The following TRABD2B variants were observed in gnomAD, a reference collection of about 807,000 sequenced individuals.
TRABD2B encodes TraB domain containing 2B.
Under a neutral mutation model 40.1 loss-of-function variants are expected in TRABD2B, and 14 were observed. The ratio of observed to expected loss-of-function variants is 0.35; its 90% CI spans 0.23 to 0.55. The LOEUF is 0.55. Among genes scored for constraint, TRABD2B ranks in the 20% least tolerant of loss-of-function variants. The probability of loss-of-function intolerance (pLI) is 0.90; values close to 1 mark genes in which losing one functional copy is unlikely to be tolerated. For synonymous variants in TRABD2B, 263 were observed against 277.0 expected, an observed-to-expected ratio of 0.95 and a Z score of 0.50; for missense variants, 541 against 648.6, an observed-to-expected ratio of 0.83 and a Z score of 1.80.
intron 2 of TRABD2B, among the ~76,000 whole-genome samples, chr1:47,812,640 G>A (rs1484112891): frequency 6.6e-6 from 1 of 152,170 alleles, no homozygotes; most frequent in Non-Finnish European, 1.5e-5. Flanking sequence ...GATTGCCTGA[G>A]GCCAGGAGTT....
intron 2 of TRABD2B, among the ~76,000 whole-genome samples, chr1:47,974,036 C>T (rs551702882): frequency 1.3e-5 from 2 of 152,038 alleles, no homozygotes; most frequent in Admixed American, 6.5e-5. Context: ...CCTGGAAGGT[C>T]GAGGCTGCAG....
At chr1:47,825,736 C>T (rs898355270) in intron 2 of TRABD2B, among the ~76,000 whole-genome samples, 2 of 146,742 alleles carry the variant, frequency 1.4e-5, no homozygotes, top group Non-Finnish European at 3.0e-5. Flanking sequence ...AGGAAATCCT[C>T]AGGGTGGGCA....
At chr1:47,824,352 C>A (rs972551581) in intron 2 of TRABD2B, among the ~76,000 whole-genome samples, 1 of 152,168 alleles carries the variant, frequency 6.6e-6, no homozygotes, top group African/African-American at 2.4e-5. Flanking sequence ...CCAGCGCCCC[C>A]TCAACAGCCT....
chr1:47,994,240 T>C lies in TRABD2B; in HGVS notation c.460A>G (p.Ile154Val). The C allele has an allele frequency of 1.3e-6, 2 of 1,542,192 alleles. No individual in the cohort carries two copies. The highest frequency in any genetic ancestry group is 1.7e-6 in the Non-Finnish European group (2 of 1,149,610). The change falls in exon 2 of 7, where the codon ATC (isoleucine) becomes GTC (valine). Residue 154 changes from isoleucine (I) to valine (V), a missense_variant. Physicochemically the swap from Ile to Val is conservative, Grantham distance 29. Coordinates refer to ENST00000606738, the MANE Select transcript of TRABD2B (RefSeq NM_001194986.2). This position sits in a 1 kb window ranked among gnomAD's most constrained non-coding sequence, Gnocchi z 6.7. ...GLYADYLFNA[I>V]AGNWERKRPV... ...CTCTTGCGCTCCCAGTTGCCCGCGA[T>C]GGCATTGAATAGGTAGTCAGCATAG... is the stretch of plus-strand genomic sequence containing the variant.
In TRABD2B at chr1:47,807,839, G is replaced by C. The variant is rs184974084; in HGVS notation, c.667-6220C>G. ...TGGGGAAAGAAACAGAGCATTTTTG[G>C]TGTATGCAGGATAGCAGCATCATGT... On this transcript the variant is annotated intron_variant, in intron 2 of 6. Coordinates refer to ENST00000606738, the MANE Select transcript of TRABD2B (RefSeq NM_001194986.2). Among the ~76,000 whole-genome samples the C allele has an allele frequency of 2.1e-3, 326 of 152,282 alleles. 4 individuals are homozygous for C. The highest frequency in any genetic ancestry group is 7.6e-3 in the African/African-American group (315 of 41,546).
At chr1:47,881,886 CTG>C (rs1276597658) in intron 2 of TRABD2B, among the ~76,000 whole-genome samples, 2 of 152,222 alleles carry the variant, frequency 1.3e-5, no homozygotes, top group African/African-American at 2.4e-5. Context: ...CTCTGTGTTT[CTG>C]TGTGTCTCTG....
At chr1:47,915,591 G>A (rs575754941) in intron 2 of TRABD2B, among the ~76,000 whole-genome samples, 1 of 152,312 alleles carries the variant, frequency 6.6e-6, no homozygotes, top group South Asian at 2.1e-4. Flanking sequence ...AAGAGGCCAG[G>A]CAGGGATTCA....
chr1:47,981,982 G>T (rs1028600026), intron 2 of TRABD2B, among the ~76,000 whole-genome samples: 2 of 152,172 alleles, frequency 1.3e-5, no homozygotes, highest in Middle Eastern at 3.2e-3. Flanking sequence ...CTCAAGCTGG[G>T]GACTCCAGCC....
intron 2 of TRABD2B, among the ~76,000 whole-genome samples, chr1:47,847,105 C>T (rs1313716089): frequency 1.3e-5 from 2 of 152,130 alleles, no homozygotes; most frequent in Non-Finnish European, 2.9e-5. Flanking sequence ...AGAATAAGGG[C>T]TTTTCCTGGA....
At chr1:47,932,196 T>C (rs1448366753) in intron 2 of TRABD2B, among the ~76,000 whole-genome samples, 1 of 152,180 alleles carries the variant, frequency 6.6e-6, no homozygotes, top group Non-Finnish European at 1.5e-5. Flanking sequence ...TTAAGACCTC[T>C]ACATGATGTA....
chr1:47,947,043 C>T lies in TRABD2B; in HGVS notation c.666+46991G>A, dbSNP rs573728652. Among the ~76,000 whole-genome samples the T allele has an allele frequency of 7.9e-5, 12 of 152,114 alleles. No homozygotes were observed. In the East Asian group the frequency reaches 2.3e-3, roughly 29 times the overall value. ...CATTTTACTCATATGAACACCAAAC[C>T]TTTGTTGCAACCCTGTTATGCCAGC... On this transcript the variant is annotated intron_variant, in intron 2 of 6. Transcript: ENST00000606738.
chr1:47,905,072 G>A (rs1644657629), intron 2 of TRABD2B, among the ~76,000 whole-genome samples: 1 of 152,058 alleles, frequency 6.6e-6, no homozygotes, highest in African/African-American at 2.4e-5. Flanking sequence ...TGGTCAAAGA[G>A]GAGGAGAGGA....
Position 47,786,047 on chromosome 1 carries a change from C to A in TRABD2B, c.989-7503G>T, listed in dbSNP as rs2406332. Among the ~76,000 whole-genome samples, 97 of 152,262 alleles carry A rather than the reference C, an allele frequency of 6.4e-4. 2 individuals carry two copies. The highest frequency in any genetic ancestry group is 3.4e-3 in the Middle Eastern group (1 of 294). ...CTTCGAGCTCTGAGGGGCCAGGGAC[C>A]CTGAAATAATGGTGGCAACACAAGA... On this transcript the variant is annotated intron_variant, in intron 4 of 6. Coordinates refer to ENST00000606738, the MANE Select transcript of TRABD2B (RefSeq NM_001194986.2).
At chr1:47,778,252 A>G (rs755587176) in intron 5 of TRABD2B, among the ~76,000 whole-genome samples, 14 of 152,148 alleles carry the variant, frequency 9.2e-5, no homozygotes, top group Admixed American at 9.2e-4. Flanking sequence ...ACTCCCACCC[A>G]TGCTCTGGCC....
At chr1:47,779,492 G>T (rs1215068997) in intron 4 of TRABD2B, among the ~76,000 whole-genome samples, 1 of 152,234 alleles carries the variant, frequency 6.6e-6, no homozygotes, top group African/African-American at 2.4e-5. Context: ...GCCCCATTTG[G>T]GAGTGGAAAT....
At chr1:47,918,815 G>T (rs1644863705) in intron 2 of TRABD2B, among the ~76,000 whole-genome samples, 1 of 152,182 alleles carries the variant, frequency 6.6e-6, no homozygotes, top group Non-Finnish European at 1.5e-5. Context: ...ACATATCCAA[G>T]AACTCGATCT....
At chr1:47,948,303 A>G (rs1645288354) in intron 2 of TRABD2B, among the ~76,000 whole-genome samples, 1 of 152,200 alleles carries the variant, frequency 6.6e-6, no homozygotes, top group African/African-American at 2.4e-5. Flanking sequence ...GCTAAAGGCC[A>G]ATAAGCAAAA....
At chr1:47,778,047 G>T (rs1644471622) in intron 5 of TRABD2B, among the ~76,000 whole-genome samples, 1 of 152,114 alleles carries the variant, frequency 6.6e-6, no homozygotes, top group African/African-American at 2.4e-5. Context: ...GGGGCAGCAG[G>T]GCTGCCACAG....
At position 47,799,083 on chromosome 1, in the gene TRABD2B, A is replaced by C. The variant is rs560266244; in HGVS notation, c.813+2390T>G. 3.3e-5 allele frequency among the ~76,000 whole-genome samples: 5 copies of C among 152,312 alleles called. No homozygotes were observed. The South Asian group carries it at 1.0e-3, about 32-fold the overall frequency. ...CCTCTGAGGCAGTTCCACTTGCCAAAGGCAAATCAGTGGTCTGGACCCAAG... is the reference window on the plus strand; with the variant it reads ...CCTCTGAGGCAGTTCCACTTGCCAACGGCAAATCAGTGGTCTGGACCCAAG... On this transcript the variant is annotated intron_variant, in intron 3 of 6. Coordinates refer to ENST00000606738, the MANE Select transcript of TRABD2B (RefSeq NM_001194986.2).
Sources: allele counts gnomAD v4.1 joint callset (sites outside exome capture counted in the v4.1 genomes callset), GRCh38; gene constraint gnomAD v4.1.1; non-coding constraint Gnocchi (gnomAD v3.1); transcripts MANE v1.5; gene names NCBI Gene and HGNC (gene_info 2026-07-23, HGNC 2026-07-21).